The following GMCL1 variants were observed in gnomAD, a reference collection of about 807,000 sequenced individuals.
The protein encoded by GMCL1 is germ cell-less 1, spermatogenesis associated, also known as germ cell-less protein-like 1.
A neutral mutation model predicts 75.5 loss-of-function variants in GMCL1; 54 were observed. The observed-to-expected ratio is 0.71, with a 90% CI of 0.57 to 0.90. GMCL1 has a LOEUF of 0.90. GMCL1 is among the 40% of genes least tolerant of loss of function. GMCL1 has a pLI of 0.00. For missense variants in GMCL1, 537 were observed against 622.7 expected, an observed-to-expected ratio of 0.86 and a Z score of 1.47; for synonymous variants, 210 against 209.6, an observed-to-expected ratio of 1.00 and a Z score of -0.02.
chr2:69,862,663 G>C (rs1675688229), intron 10 of GMCL1, among the ~76,000 whole-genome samples: 1 of 152,030 alleles, frequency 6.6e-6, no homozygotes, highest in African/African-American at 2.4e-5. Flanking sequence ...GGAGGCTGAG[G>C]CAGGAGAATC....
chr2:69,837,774 G>T (rs1374708149), intron 2 of GMCL1, 104 bp downstream of exon 2: 12 of 1,290,602 alleles, frequency 9.3e-6, no homozygotes, highest in African/African-American at 1.5e-5. Context: ...ACACCATAGT[G>T]GTTAAATCCT....
intron 2 of GMCL1, among the ~76,000 whole-genome samples, chr2:69,838,226 A>G (rs933508214): frequency 6.6e-6 from 1 of 150,768 alleles, no homozygotes; most frequent in South Asian, 2.1e-4. Context: ...AATCCCAGCT[A>G]CTCAGGAGGC....
chr2:69,854,017 C>G (rs1675394369), intron 8 of GMCL1, among the ~76,000 whole-genome samples: 3 of 152,034 alleles, frequency 2.0e-5, no homozygotes, highest in Non-Finnish European at 4.4e-5. Context: ...CTTGGCCAGG[C>G]TGATCTTGAA....
chr2:69,861,759 T>G (rs1452804236), intron 10 of GMCL1, among the ~76,000 whole-genome samples: 1 of 152,196 alleles, frequency 6.6e-6, no homozygotes, highest in East Asian at 1.9e-4. Context: ...ATAAATAGTT[T>G]TTGAAGATCT....
chr2:69,872,217 A>AT (rs1676001200), intron 13 of GMCL1, among the ~76,000 whole-genome samples: 1 of 152,184 alleles, frequency 6.6e-6, no homozygotes, highest in Non-Finnish European at 1.5e-5. Context: ...ACAATCCTGT[A>AT]TGTCTCCATA....
intron 13 of GMCL1, 112 bp from the exon 14 acceptor site, chr2:69,878,797 T>C: frequency 1.3e-6 from 1 of 756,538 alleles, no homozygotes; most frequent in Admixed American, 2.2e-5. Flanking sequence ...GAGAGTGGAG[T>C]TGTGGATCTC....
Position 69,880,118 on chromosome 2 carries a change from C to G in GMCL1, c.*1114C>G, listed in dbSNP as rs1162680931. On this transcript the variant is annotated 3_prime_UTR_variant, in exon 14 of 14. Transcript: ENST00000282570. ...GTATGTTGACCTTTTGTGTTTATTA[C>G]TGTTTTGAAAATAGCCATGTTCATT... is the stretch of plus-strand genomic sequence containing the variant. 1 of 152,124 alleles carries G rather than the reference C, an allele frequency of 6.6e-6. No homozygotes were observed. The highest frequency in any genetic ancestry group is 1.5e-5 in the Non-Finnish European group (1 of 68,002). The allele number at this position is 152,124 out of a possible 1,614,324, so 9.4% of individuals were successfully genotyped here.
At chr2:69,832,316 T>C (rs927277930) in intron 1 of GMCL1, among the ~76,000 whole-genome samples, 5 of 152,236 alleles carry the variant, frequency 3.3e-5, no homozygotes, top group African/African-American at 1.2e-4. Flanking sequence ...ACCTGCCTTT[T>C]AGGCTTTGAC....
At chr2:69,860,345 C>T (rs1444295249) in intron 9 of GMCL1, among the ~76,000 whole-genome samples, 1 of 152,052 alleles carries the variant, frequency 6.6e-6, no homozygotes, top group East Asian at 1.9e-4. Context: ...TCCACTTACA[C>T]AGGCTTATTT....
intron 1 of GMCL1, among the ~76,000 whole-genome samples, chr2:69,831,819 G>T (rs1009486432): frequency 2.0e-5 from 3 of 152,038 alleles, no homozygotes; most frequent in Non-Finnish European, 4.4e-5. Flanking sequence ...GCCCACCCAG[G>T]CTGGCCTGGA....
At chr2:69,877,157 T>C (rs1676149856) in intron 13 of GMCL1, among the ~76,000 whole-genome samples, 1 of 152,196 alleles carries the variant, frequency 6.6e-6, no homozygotes, top group Non-Finnish European at 1.5e-5. Flanking sequence ...AATAGAACTT[T>C]GCTATAAAGG....
chr2:69,857,107 C>T (rs1025629544), intron 9 of GMCL1, among the ~76,000 whole-genome samples: 1 of 152,184 alleles, frequency 6.6e-6, no homozygotes, highest in Admixed American at 6.5e-5. Flanking sequence ...CTAGCATGTT[C>T]ATAGCCTCAT....
In GMCL1 at chr2:69,860,632, A is replaced by G. The variant is rs143926124; in HGVS notation, c.1073-646A>G. 8.8e-3 allele frequency among the ~76,000 whole-genome samples: 1,343 copies of G among 152,292 alleles called. 10 individuals carry two copies. Among genetic ancestry groups the G allele is most frequent in the Non-Finnish European group, 0.015 (1,009 of 68,020 alleles). On this transcript the variant is annotated intron_variant, in intron 9 of 13. Coordinates refer to ENST00000282570, the MANE Select transcript of GMCL1 (RefSeq NM_178439.5). ...ATATAGTTTCAGATATGATTTTTAC[A>G]ATTGAAAAATTAATATGAACTATGA...
chr2:69,830,500 C>T (rs1674641830), intron 1 of GMCL1, among the ~76,000 whole-genome samples: 1 of 152,188 alleles, frequency 6.6e-6, no homozygotes. Context: ...TGGGTAGCCG[C>T]AGAGTAAGTT....
At chr2:69,867,769 C>T (rs1473397661) in intron 11 of GMCL1, among the ~76,000 whole-genome samples, 9 of 152,170 alleles carry the variant, frequency 5.9e-5, no homozygotes, top group African/African-American at 2.2e-4. Context: ...CATTGGGTTC[C>T]ACTTGAATGT....
At chr2:69,877,482 A>G (rs1439115445) in intron 13 of GMCL1, among the ~76,000 whole-genome samples, 1 of 152,170 alleles carries the variant, frequency 6.6e-6, no homozygotes, top group Non-Finnish European at 1.5e-5. Context: ...TCATCAAAAC[A>G]TTTGTCCTCA....
intron 13 of GMCL1, among the ~76,000 whole-genome samples, chr2:69,877,509 T>C (rs1359767599): frequency 6.6e-6 from 1 of 152,226 alleles, no homozygotes; most frequent in Non-Finnish European, 1.5e-5. Flanking sequence ...TTGGTAAATG[T>C]GCCTTCACCC....
At chr2:69,856,615 A>C in intron 9 of GMCL1, among the ~76,000 whole-genome samples, 1 of 145,094 alleles carries the variant, frequency 6.9e-6, no homozygotes, top group Non-Finnish European at 1.5e-5. Context: ...AACCAGGGAC[A>C]ACAAAATCTT....
chr2:69,856,761 C>G, intron 9 of GMCL1, among the ~76,000 whole-genome samples: 1 of 151,026 alleles, frequency 6.6e-6, no homozygotes, highest in East Asian at 2.0e-4. Context: ...TCCTAGCCCC[C>G]TCAGTGTGCA....
Sources: allele counts gnomAD v4.1 joint callset (sites outside exome capture counted in the v4.1 genomes callset), GRCh38; gene constraint gnomAD v4.1.1; transcripts MANE v1.5; gene names NCBI Gene and HGNC (gene_info 2026-07-23, HGNC 2026-07-21).